NRXN3: variants seen among roughly 807,000 people sequenced by gnomAD.
NRXN3 encodes the protein neurexin 3.
A neutral mutation model predicts 137.6 loss-of-function variants in NRXN3; 32 were observed. The ratio of observed to expected loss-of-function variants is 0.23; its 90% CI spans 0.18 to 0.31. NRXN3 has a LOEUF of 0.31. Among genes scored for constraint, NRXN3 ranks in the 10% least tolerant of loss-of-function variants. NRXN3 has a pLI of 1.00. For synonymous variants in NRXN3, 798 were observed against 784.5 expected, an observed-to-expected ratio of 1.02 and a Z score of -0.29; for missense variants, 1,574 against 2,062.5, an observed-to-expected ratio of 0.76 and a Z score of 4.59.
chr14:79,834,714 C>A (rs1460258324), intron 20 of NRXN3, among the ~76,000 whole-genome samples: 1 of 152,088 alleles, frequency 6.6e-6, no homozygotes, highest in East Asian at 1.9e-4. Context: ...AGTTTGCATT[C>A]ATTCCCAATC....
chr14:79,834,942 C>T (rs993653839), intron 20 of NRXN3, among the ~76,000 whole-genome samples: 6 of 152,146 alleles, frequency 3.9e-5, no homozygotes, highest in Non-Finnish European at 8.8e-5. Context: ...CAACACATTC[C>T]CGACCCGCCA....
chr14:78,889,180 T>C (rs936785213), intron 10 of NRXN3, among the ~76,000 whole-genome samples: 2 of 151,982 alleles, frequency 1.3e-5, no homozygotes, highest in African/African-American at 4.8e-5. Context: ...CCATTTCTTA[T>C]GATATTTAAC....
intron 4 of NRXN3, among the ~76,000 whole-genome samples, chr14:78,511,010 AG>A (rs759743811): frequency 4.6e-5 from 7 of 152,198 alleles, no homozygotes; most frequent in Non-Finnish European, 7.3e-5. Flanking sequence ...GTTTGAATAG[AG>A]TAGTAAAGCA....
intron 10 of NRXN3, among the ~76,000 whole-genome samples, chr14:78,880,692 A>T (rs559130746): frequency 6.6e-6 from 1 of 152,300 alleles, no homozygotes; most frequent in East Asian, 1.9e-4. Context: ...ATATATATGT[A>T]TATATGTATT....
chr14:78,255,655 G>A (rs1049982987), intron 2 of NRXN3, among the ~76,000 whole-genome samples: 23 of 152,200 alleles, frequency 1.5e-4, no homozygotes, highest in Non-Finnish European at 2.9e-5. Flanking sequence ...ACTGTAAGAC[G>A]TGAAACCAAG....
chr14:78,428,242 G>C (rs562626328), intron 4 of NRXN3, among the ~76,000 whole-genome samples: 1 of 152,140 alleles, frequency 6.6e-6, no homozygotes, highest in South Asian at 2.1e-4. Flanking sequence ...TCAATAATCA[G>C]TTTCTGTTCC....
Position 78,906,449 on chromosome 14 carries a change from C to G in NRXN3, c.2276-50793C>G, listed in dbSNP as rs550029028. 3.3e-5 allele frequency among the ~76,000 whole-genome samples: 5 copies of G among 152,208 alleles called. No individual in the cohort carries two copies. The South Asian group carries it at 8.3e-4, about 25-fold the overall frequency. ...CTTCCTGACACCACTCAAATATCAT[C>G]TCCACCACCAACTTGCCTTGATCCC... On this transcript the variant is annotated intron_variant, in intron 10 of 20. Transcript: ENST00000335750.
chr14:79,226,903 A>G (rs1358755953), intron 15 of NRXN3, among the ~76,000 whole-genome samples: 2 of 143,844 alleles, frequency 1.4e-5, no homozygotes, highest in African/African-American at 5.2e-5. Context: ...GCAACCTCCA[A>G]CTCCCAGGTT....
rs868069590 is a variant in NRXN3, at chr14:78,484,035, G to C, written c.758-161085G>C. Among the ~76,000 whole-genome samples, 2,781 of 139,736 alleles carry C rather than the reference G, an allele frequency of 0.02. 135 individuals carry two copies. In the East Asian group the frequency reaches 0.26, roughly 13 times the overall value. The allele number at this position is 139,736 out of a possible 152,430, so 91.7% of individuals were successfully genotyped here. A position where few individuals can be genotyped will look rare whatever the true frequency, so the allele number is the denominator to read the frequency against. On this transcript the variant is annotated intron_variant, in intron 4 of 20. Transcript: ENST00000335750. ...ACACACACACACACACACAGAGAGA[G>C]AGAGAGAGAGAGAGCAAAAAAAGAA...
chr14:79,470,329 G>T (rs1374291952), intron 16 of NRXN3, among the ~76,000 whole-genome samples: 2 of 152,122 alleles, frequency 1.3e-5, no homozygotes, highest in Non-Finnish European at 2.9e-5. Context: ...AGTTCTGGAG[G>T]CTGGGAAGTC....
At chr14:79,280,456 C>T (rs1413590380) in intron 15 of NRXN3, 1 of 1,613,974 alleles carries the variant, frequency 6.2e-7, no homozygotes, top group African/African-American at 1.3e-5. Context: ...ACTCTCAGCA[C>T]GAGCACCATT....
At chr14:78,450,650 C>T (rs997139856) in intron 4 of NRXN3, among the ~76,000 whole-genome samples, 1 of 152,212 alleles carries the variant, frequency 6.6e-6, no homozygotes, top group Non-Finnish European at 1.5e-5. Context: ...AGAACTTCAC[C>T]CTCTCTGGTC....
At chr14:78,655,488 A>G (rs1601951811) in intron 6 of NRXN3, among the ~76,000 whole-genome samples, 2 of 152,302 alleles carry the variant, frequency 1.3e-5, no homozygotes, top group East Asian at 3.9e-4. Flanking sequence ...TAATGCAAAA[A>G]TAGGGATAAC....
chr14:79,399,052 A>T (rs2095114300), intron 15 of NRXN3, among the ~76,000 whole-genome samples: 1 of 146,368 alleles, frequency 6.8e-6, no homozygotes, highest in Non-Finnish European at 1.5e-5. Flanking sequence ...AAAAGCTGGG[A>T]GTTTCATTAT....
At chr14:79,009,898 A>G (rs570647695) in intron 15 of NRXN3, among the ~76,000 whole-genome samples, 2 of 152,344 alleles carry the variant, frequency 1.3e-5, no homozygotes, top group Non-Finnish European at 2.9e-5. Context: ...GAAATAATTC[A>G]GCAAATACTG....
At chr14:78,537,862 A>G (rs2096551275) in intron 4 of NRXN3, among the ~76,000 whole-genome samples, 1 of 152,228 alleles carries the variant, frequency 6.6e-6, no homozygotes, top group Non-Finnish European at 1.5e-5. Flanking sequence ...TTTATTAAAT[A>G]GGGAATCCTT....
At chr14:78,376,454 G>A (rs1344593377) in intron 4 of NRXN3, among the ~76,000 whole-genome samples, 1 of 152,134 alleles carries the variant, frequency 6.6e-6, no homozygotes, top group Non-Finnish European at 1.5e-5. Flanking sequence ...CAAAAAATTG[G>A]ATAGACATAT....
chr14:78,926,889 TA>T (rs1400570746), intron 10 of NRXN3, among the ~76,000 whole-genome samples: 258 of 17,792 alleles, frequency 0.015, 16 homozygotes, highest in Middle Eastern at 0.045. Flanking sequence ...AATATATTTA[TA>T]TATATATATA....
At chr14:78,750,632 A>C (rs1258079526) in intron 8 of NRXN3, among the ~76,000 whole-genome samples, 1 of 152,166 alleles carries the variant, frequency 6.6e-6, no homozygotes, top group Non-Finnish European at 1.5e-5. Flanking sequence ...CTTCCCCCAA[A>C]CCATACCAAT....
Sources: allele counts gnomAD v4.1 joint callset (sites outside exome capture counted in the v4.1 genomes callset), GRCh38; gene constraint gnomAD v4.1.1; transcripts MANE v1.5; gene names NCBI Gene and HGNC (gene_info 2026-07-23, HGNC 2026-07-21).